The following PGM2 variants were observed in gnomAD, a reference collection of about 807,000 sequenced individuals.
The protein encoded by PGM2 is phosphoglucomutase 2.
Under a neutral mutation model 74.6 loss-of-function variants are expected in PGM2, and 57 were observed. That is an observed-to-expected ratio of 0.76 (90% CI 0.62 to 0.95). The LOEUF is 0.95. Ranked by LOEUF, PGM2 falls within the 40% of genes least tolerant of loss-of-function variation. PGM2 has a pLI of 0.00. For synonymous variants in PGM2, 273 were observed against 260.7 expected, an observed-to-expected ratio of 1.05 and a Z score of -0.46; for missense variants, 706 against 741.9, an observed-to-expected ratio of 0.95 and a Z score of 0.56.
intron 13 of PGM2, 84 bp downstream of exon 13, chr4:37,855,825 A>G (rs903893689): frequency 6.2e-6 from 7 of 1,131,800 alleles, no homozygotes; most frequent in Admixed American, 2.8e-5. Context: ...GAAATGTTCC[A>G]TCTTTCTAAT....
chr4:37,854,419 C>T (rs1009991094), intron 12 of PGM2, among the ~76,000 whole-genome samples: 2 of 151,844 alleles, frequency 1.3e-5, no homozygotes, highest in Non-Finnish European at 2.9e-5. Context: ...GGCGCAATCT[C>T]GGCTCACTGC....
chr4:37,836,580 G>A (rs946421285), intron 3 of PGM2, among the ~76,000 whole-genome samples: 1 of 152,164 alleles, frequency 6.6e-6, no homozygotes, highest in African/African-American at 2.4e-5. Context: ...TTGTGCCCCA[G>A]CCAGCCTTCA....
chr4:37,839,969 G>T (rs1725663225), intron 5 of PGM2, 38 bp downstream of exon 5: 2 of 1,481,902 alleles, frequency 1.3e-6, no homozygotes, highest in African/African-American at 1.4e-5. Flanking sequence ...ACATCCTTCT[G>T]TAGGAATCCT....
chr4:37,836,837 G>C (rs1341857590), intron 3 of PGM2, among the ~76,000 whole-genome samples: 2 of 143,644 alleles, frequency 1.4e-5, no homozygotes, highest in African/African-American at 5.3e-5. Flanking sequence ...AGGCTGATTG[G>C]AACCAAGATG....
At position 37,840,170 on chromosome 4, in the gene PGM2, T is replaced by G. The variant is rs934269477; in HGVS notation, c.630T>G (p.Ser210=). Residue 210 remains serine (S), a synonymous_variant, in exon 6 of 14, where the codon TCT becomes TCG. Coordinates refer to ENST00000381967, the MANE Select transcript of PGM2 (RefSeq NM_018290.4). ...LEPWPQAWDD[S]LIDSSPLLHN... Reference sequence around the variant, plus strand: ...CGTGGCCTCAAGCTTGGGACGATTCTTTAATTGATAGCAGTCCACTTCTCC... The same window carrying G: ...CGTGGCCTCAAGCTTGGGACGATTCGTTAATTGATAGCAGTCCACTTCTCC... The G allele has an allele frequency of 9.9e-6, 16 of 1,612,896 alleles. No individual in the cohort carries two copies. Among genetic ancestry groups the G allele is most frequent in the Non-Finnish European group, 1.4e-5 (16 of 1,178,964 alleles).
In PGM2 at chr4:37,848,624, C is replaced by G. The variant is rs776317442; in HGVS notation, c.1385C>G (p.Ser462Cys). ...CTAGCAACCAAGAATTTGTCTTTGT[C>G]TCAGCAACTAAAGGCCATTTATGTG... ...SFLATKNLSL[S>C]QQLKAIYVEY... Residue 462 changes from serine to cysteine, a missense_variant, in exon 11 of 14, where the codon TCT becomes TGT. By Grantham distance (112) the Ser-to-Cys change is moderately radical. Around this residue, in one of 3 missense-constraint regions of PGM2, gnomAD observed 359 missense variants for 371.1 expected, o/e 0.97. Coordinates refer to ENST00000381967, the MANE Select transcript of PGM2 (RefSeq NM_018290.4). 5 of 1,613,684 alleles carry G rather than the reference C, an allele frequency of 3.1e-6. No individual in the cohort carries two copies. Among genetic ancestry groups the G allele is most frequent in the Non-Finnish European group, 4.2e-6 (5 of 1,179,602 alleles).
chr4:37,831,715 C>T (rs555039031), intron 2 of PGM2, among the ~76,000 whole-genome samples: 6 of 152,214 alleles, frequency 3.9e-5, no homozygotes, highest in East Asian at 1.9e-4. Flanking sequence ...ACTTTTATGA[C>T]GTAGCTTTGA....
intron 12 of PGM2, among the ~76,000 whole-genome samples, chr4:37,854,444 G>A (rs1043067119): frequency 3.3e-5 from 5 of 151,770 alleles, no homozygotes; most frequent in African/African-American, 7.3e-5. Context: ...TCCACCTCCC[G>A]GGTTCAAGTG....
chr4:37,834,501 C>T, intron 2 of PGM2, 117 bp from the exon 3 acceptor site: 4 of 524,818 alleles, frequency 7.6e-6, no homozygotes, highest in Admixed American at 3.5e-5. Flanking sequence ...GAATTTTTCC[C>T]TCTCTCCCAT....
chr4:37,851,737 A>G (rs1012425545), intron 12 of PGM2, among the ~76,000 whole-genome samples: 4 of 152,096 alleles, frequency 2.6e-5, no homozygotes, highest in African/African-American at 9.7e-5. Flanking sequence ...CAATTTGTTG[A>G]CTTTCTATTT....
chr4:37,834,837 G>A (rs549990893), intron 3 of PGM2, 113 bp downstream of exon 3: 2 of 495,976 alleles, frequency 4.0e-6, no homozygotes, highest in East Asian at 3.3e-5. Flanking sequence ...TTGCTTAACT[G>A]TAAAAACAAT....
Position 37,851,375 on chromosome 4 carries a change from T to C in PGM2, c.1602+1002T>C, listed in dbSNP as rs935850426. On this transcript the variant is annotated intron_variant, in intron 12 of 13. Coordinates refer to ENST00000381967, the MANE Select transcript of PGM2 (RefSeq NM_018290.4). ...TAGTTAGTGTACTCTGTTCTCTGAG[T>C]GTATTGGAGCTGTTGGCTGTAAAGC... Among the ~76,000 whole-genome samples the C allele has an allele frequency of 2.6e-5, 4 of 152,240 alleles. No homozygotes were observed. The East Asian group carries it at 7.7e-4, about 29-fold the overall frequency.
chr4:37,847,889 T>C (rs187036414), intron 10 of PGM2, among the ~76,000 whole-genome samples: 539 of 152,410 alleles, frequency 3.5e-3, no homozygotes, highest in African/African-American at 0.012. Context: ...AAAACTATTA[T>C]GCATTAGATT....
In PGM2 at chr4:37,856,678, A is replaced by G. The variant is rs1346454677; in HGVS notation, c.1736+937A>G. Reference sequence around the variant, plus strand: ...GTGTGATACTGCATGCCTATCCAACATGCCGTTAACCAGCATTTCCCTATT... The same window carrying G: ...GTGTGATACTGCATGCCTATCCAACGTGCCGTTAACCAGCATTTCCCTATT... On this transcript the variant is annotated intron_variant, in intron 13 of 13. Transcript: ENST00000381967. Among the ~76,000 whole-genome samples, 5 of 152,152 alleles carry G rather than the reference A, an allele frequency of 3.3e-5. No individual in the cohort carries two copies. In the South Asian group the frequency reaches 1.0e-3, roughly 31 times the overall value.
At chr4:37,826,909 C>A (rs1725307268) in intron 1 of PGM2, 96 bp downstream of exon 1, 2 of 712,082 alleles carry the variant, frequency 2.8e-6, no homozygotes, top group South Asian at 1.7e-5. Flanking sequence ...AGCTGCCTTC[C>A]CGCCCAGTGC....
intron 6 of PGM2, 148 bp downstream of exon 6, chr4:37,840,407 A>C: frequency 1.7e-6 from 1 of 601,766 alleles, no homozygotes. Flanking sequence ...ATTTTGAGAC[A>C]GGGTCTCACT....
intron 12 of PGM2, among the ~76,000 whole-genome samples, chr4:37,854,931 AC>A (rs1726153617): frequency 6.6e-6 from 1 of 152,230 alleles, no homozygotes; most frequent in Non-Finnish European, 1.5e-5. Context: ...AAAATTGTAT[AC>A]ATTTATGATG....
chr4:37,847,383 C>T (rs2290741), intron 10 of PGM2, 88 bp downstream of exon 10: 40,135 of 971,374 alleles, frequency 0.041, 1,975 homozygotes, highest in East Asian at 0.15. Context: ...CAGTGAAACA[C>T]GGTTTATTTT....
At chr4:37,827,665 G>T (rs1725332645) in intron 1 of PGM2, among the ~76,000 whole-genome samples, 1 of 152,022 alleles carries the variant, frequency 6.6e-6, no homozygotes, top group African/African-American at 2.4e-5. Context: ...TAAACAGTCT[G>T]TTATTTTCCT....
Sources: gnomAD v4.1 joint callset for allele counts (sites outside exome capture counted in the v4.1 genomes callset) on GRCh38, gnomAD v4.1.1 for gene constraint, gnomAD v4.1.1 regional missense constraint, MANE v1.5 for transcripts, NCBI Gene and HGNC (gene_info 2026-07-23, HGNC 2026-07-21) for gene names.